Variants in C5 observed in about 807,000 individuals in gnomAD.
C5 encodes C3 and PZP-like alpha-2-macroglobulin domain-containing protein 4.
Under a neutral mutation model 218.8 loss-of-function variants are expected in C5, and 140 were observed. The ratio of observed to expected loss-of-function variants is 0.64; its 90% CI spans 0.56 to 0.74. The LOEUF (loss-of-function observed/expected upper bound fraction) is 0.74, where lower values mean the gene tolerates loss of function less well. Among genes scored for constraint, C5 ranks in the 30% least tolerant of loss-of-function variants. The probability of loss-of-function intolerance (pLI) is 0.00; values close to 1 mark genes in which losing one functional copy is unlikely to be tolerated. For synonymous variants in C5, 614 were observed against 682.3 expected (o/e 0.90, Z 1.56); for missense variants, 1,700 against 1,969.6 (o/e 0.86, Z 2.59).
chr9:121,046,045 T>C, intron 2 of C5, 146 bp downstream of exon 2: 1 of 423,574 alleles, frequency 2.4e-6, no homozygotes, highest in Non-Finnish European at 4.2e-6. Flanking sequence ...TCACTTACAT[T>C]ATCATTAGTG....
At chr9:120,960,812 T>A (rs1232270131) in intron 37 of C5, among the ~76,000 whole-genome samples, 2 of 152,234 alleles carry the variant, frequency 1.3e-5, no homozygotes, top group Admixed American at 1.3e-4. Flanking sequence ...GGGTGGCTAC[T>A]CCACATTCAG....
At chr9:121,016,218 T>A (rs375255324) in intron 15 of C5, 36 bp downstream of exon 15, 3 of 1,613,028 alleles carry the variant, frequency 1.9e-6, no homozygotes, top group Admixed American at 3.3e-5. Context: ...AAATGATCAA[T>A]GGGATTTTCA....
chr9:121,052,076 C>T (rs1415626747), upstream of C5, among the ~76,000 whole-genome samples: 2 of 152,152 alleles, frequency 1.3e-5, no homozygotes, highest in African/African-American at 4.8e-5. Flanking sequence ...CTCAAAGATT[C>T]TCAACAGAAC....
intron 39 of C5, among the ~76,000 whole-genome samples, chr9:120,955,650 A>C (rs1588162468): frequency 6.6e-6 from 1 of 152,316 alleles, no homozygotes; most frequent in East Asian, 1.9e-4. Context: ...GAAAAAAATA[A>C]AATAACTTCA....
At chr9:121,034,674 C>T (rs564163593) in intron 5 of C5, 129 bp downstream of exon 5, 11 of 624,772 alleles carry the variant, frequency 1.8e-5, no homozygotes, top group Admixed American at 1.1e-4. Flanking sequence ...CTTGCTAGAA[C>T]TTCAAAAGAT....
At position 120,971,997 on chromosome 9, in the gene C5, A is replaced by G; in HGVS notation, c.4018-5T>C. On this transcript the variant is annotated splice_region_variant and splice_polypyrimidine_tract_variant and intron_variant, in intron 30 of 40. Coordinates refer to ENST00000223642, the MANE Select transcript of C5 (RefSeq NM_001735.3). ...GAGGTCATCATTGAGAAGCACCTGG[A>G]AAGATAATAGAGAAACAAACCATGC... is the stretch of plus-strand genomic sequence containing the variant. 6.2e-7 allele frequency: 1 copy of G among 1,604,610 alleles called. No individual in the cohort carries two copies.
chr9:121,022,915 C>T (rs1257381023), intron 10 of C5, among the ~76,000 whole-genome samples: 1 of 151,800 alleles, frequency 6.6e-6, no homozygotes, highest in Non-Finnish European at 1.5e-5. Flanking sequence ...GAGAGCAATA[C>T]AGAGACGAGA....
At chr9:120,995,660 T>C (rs1300832201) in intron 22 of C5, among the ~76,000 whole-genome samples, 1 of 152,114 alleles carries the variant, frequency 6.6e-6, no homozygotes. Context: ...TTGTGATGGA[T>C]AGACAATGAA....
chr9:121,038,085 A>G (rs2047545219), intron 3 of C5, 134 bp from the exon 4 acceptor site: 1 of 523,178 alleles, frequency 1.9e-6, no homozygotes, highest in African/African-American at 1.9e-5. Context: ...TTTGAAAAAA[A>G]CAAAAATTAG....
chr9:121,005,837 T>G, intron 20 of C5, 82 bp downstream of exon 20: 5 of 1,406,024 alleles, frequency 3.6e-6, no homozygotes, highest in Non-Finnish European at 4.0e-6. Flanking sequence ...TCTACTTTTT[T>G]GTGTATGGTA....
At chr9:121,062,943 G>A in the C5 span, among the ~76,000 whole-genome samples, 3 of 151,980 alleles carry the variant, frequency 2.0e-5, no homozygotes, top group African/African-American at 7.3e-5. Flanking sequence ...GATGTAGTCA[G>A]GTGTGGTTCT....
chr9:120,979,970 G>A (rs1194546956), intron 28 of C5, 113 bp downstream of exon 28: 9 of 867,056 alleles, frequency 1.0e-5, no homozygotes, highest in Non-Finnish European at 1.6e-5. Context: ...TTTGTTCCTT[G>A]AGGACAGGAA....
intron 33 of C5, among the ~76,000 whole-genome samples, chr9:120,965,769 CA>C (rs1165417842): frequency 6.6e-6 from 1 of 152,104 alleles, no homozygotes; most frequent in African/African-American, 2.4e-5. Context: ...CTCACAGATG[CA>C]AACACTTTGT....
intron 24 of C5, 102 bp downstream of exon 24, chr9:120,989,466 T>C: frequency 3.8e-6 from 3 of 796,404 alleles, no homozygotes; most frequent in Non-Finnish European, 6.0e-6. Flanking sequence ...TTGCTAAAAT[T>C]CTCTTACAAA....
intron 17 of C5, among the ~76,000 whole-genome samples, chr9:121,012,930 G>A (rs1038733844): frequency 1.3e-5 from 2 of 152,182 alleles, no homozygotes; most frequent in African/African-American, 4.8e-5. Flanking sequence ...TAGGATCACC[G>A]TTGCACATGT....
chr9:121,005,151 CTG>C (rs2047206332), intron 20 of C5, among the ~76,000 whole-genome samples: 1 of 152,126 alleles, frequency 6.6e-6, no homozygotes, highest in African/African-American at 2.4e-5. Context: ...AGTTTTGTGA[CTG>C]TGATTTTCAA....
chr9:121,017,701 T>G lies in C5; in HGVS notation c.1658A>C (p.Glu553Ala). 1 of 1,613,618 alleles carries G rather than the reference T, an allele frequency of 6.2e-7. No individual in the cohort carries two copies. The highest frequency in any genetic ancestry group is 8.5e-7 in the Non-Finnish European group (1 of 1,179,644). Reference protein sequence around the residue: ...YYIVTGEQTAELVSDSVWLNI... With the variant: ...YYIVTGEQTAALVSDSVWLNI... ...TAACCAGACTGAATCAGACACTAAT[T>G]CTGCTGTCTGTTCTCCTGTGACGAT... The change falls in exon 13 of 41, where the codon GAA (glutamate) becomes GCA (alanine). Residue 553 changes from glutamate to alanine, a missense_variant. By Grantham distance (107) the Glu-to-Ala change is moderately radical (BLOSUM62 -1). Transcript: ENST00000223642.
At chr9:120,982,976 C>A (rs56220014) in intron 25 of C5, among the ~76,000 whole-genome samples, 162 bp from the exon 26 acceptor site, 2 of 152,250 alleles carry the variant, frequency 1.3e-5, no homozygotes, top group East Asian at 3.9e-4. Context: ...TTTTGGAATA[C>A]CTCCAAAACA....
intron 5 of C5, among the ~76,000 whole-genome samples, chr9:121,033,839 T>A (rs2047499528): frequency 6.6e-6 from 1 of 152,166 alleles, no homozygotes; most frequent in Admixed American, 6.5e-5. Flanking sequence ...TTCATTCTGC[T>A]CTATTATAAA....
Sources: allele counts gnomAD v4.1 joint callset (sites outside exome capture counted in the v4.1 genomes callset), GRCh38; gene constraint gnomAD v4.1.1; transcripts MANE v1.5; gene names NCBI Gene and HGNC (gene_info 2026-07-23, HGNC 2026-07-21).